Variants in EPHB1 observed in about 807,000 individuals in gnomAD.
EPHB1 encodes the protein ephrin type-B receptor 1.
A neutral mutation model predicts 94.4 loss-of-function variants in EPHB1; 30 were observed. That is an observed-to-expected ratio of 0.32 (90% confidence interval 0.24 to 0.43). EPHB1 has a LOEUF of 0.43. EPHB1 is among the 20% of genes least tolerant of loss of function. EPHB1 has a pLI of 1.00. For missense variants in EPHB1, 1,055 were observed against 1,308.3 expected (o/e 0.81, Z 2.99); for synonymous variants, 522 against 489.1 (o/e 1.07, Z -0.89).
intron 3 of EPHB1, among the ~76,000 whole-genome samples, chr3:135,041,502 G>C (rs187982577): frequency 6.6e-6 from 1 of 152,132 alleles, no homozygotes; most frequent in Non-Finnish European, 1.5e-5. Context: ...TGACAGCCCT[G>C]AGCAGGTTCA....
Position 134,992,852 on chromosome 3 carries a change from G to A in EPHB1, c.805+40800G>A, listed in dbSNP as rs200915069. On this transcript the variant is annotated intron_variant, in intron 3 of 15. Coordinates refer to ENST00000398015, the MANE Select transcript of EPHB1 (RefSeq NM_004441.5). The stretch of plus-strand genomic sequence containing the variant: ...CTTATTGCTGTATTTGCTTCCCTGG[G>A]TGCTTGAATTCCATCCCTTCTGACC... Among the ~76,000 whole-genome samples the A allele has an allele frequency of 7.9e-5, 12 of 152,232 alleles. No individual in the cohort carries two copies. In the East Asian group the frequency reaches 2.1e-3, roughly 27 times the overall value.
intron 15 of EPHB1, among the ~76,000 whole-genome samples, chr3:135,255,102 T>C (rs561473988): frequency 1.1e-4 from 17 of 150,670 alleles, no homozygotes; most frequent in Admixed American, 9.2e-4. Context: ...TTGATTCCTC[T>C]CTCTTTTTTT....
At chr3:135,176,215 C>G (rs1178264598) in intron 9 of EPHB1, among the ~76,000 whole-genome samples, 1 of 152,176 alleles carries the variant, frequency 6.6e-6, no homozygotes, top group African/African-American at 2.4e-5. Context: ...TGCCGCCCCA[C>G]ACAGAGGAGC....
At chr3:135,253,389 A>C (rs1933216654) in intron 15 of EPHB1, among the ~76,000 whole-genome samples, 1 of 147,942 alleles carries the variant, frequency 6.8e-6, no homozygotes, top group African/African-American at 2.5e-5. Flanking sequence ...TAATTTTTGT[A>C]TAAGGTGTAA....
At chr3:134,917,702 T>C (rs891773396) in intron 1 of EPHB1, among the ~76,000 whole-genome samples, 11 of 152,244 alleles carry the variant, frequency 7.2e-5, no homozygotes, top group African/African-American at 2.7e-4. Flanking sequence ...AATCAGTCAG[T>C]CATTCAGCAG....
intron 4 of EPHB1, among the ~76,000 whole-genome samples, chr3:135,119,514 G>T (rs976401851): frequency 6.6e-6 from 1 of 151,926 alleles, no homozygotes; most frequent in African/African-American, 2.4e-5. Context: ...GTGCAGTGGG[G>T]CAATCTAGGT....
intron 1 of EPHB1, among the ~76,000 whole-genome samples, chr3:134,917,292 G>T (rs950325189): frequency 3.9e-5 from 6 of 152,184 alleles, no homozygotes; most frequent in African/African-American, 1.4e-4. Flanking sequence ...GGGCAGGTAG[G>T]GTAGCCCTTC....
At chr3:135,247,851 T>C (rs1423806720) in intron 13 of EPHB1, among the ~76,000 whole-genome samples, 1 of 152,216 alleles carries the variant, frequency 6.6e-6, no homozygotes, top group Non-Finnish European at 1.5e-5. Flanking sequence ...CTTTCTCTTC[T>C]CTTCCAAATG....
At chr3:134,834,097 C>T (rs898596610) in intron 1 of EPHB1, among the ~76,000 whole-genome samples, 13 of 152,050 alleles carry the variant, frequency 8.5e-5, no homozygotes, top group African/African-American at 4.8e-5. Context: ...AACTAGAGAG[C>T]AGGGAGGAAG....
intron 12 of EPHB1, among the ~76,000 whole-genome samples, chr3:135,211,339 A>G (rs150257472): frequency 1.7e-3 from 261 of 152,326 alleles, no homozygotes; most frequent in African/African-American, 6.0e-3. Context: ...TAAAGAAATC[A>G]AGAGGAAAAT....
intron 11 of EPHB1, among the ~76,000 whole-genome samples, chr3:135,199,019 T>C (rs989919230): frequency 6.6e-6 from 1 of 151,996 alleles, no homozygotes; most frequent in African/African-American, 2.4e-5. Flanking sequence ...TTAAAACAAA[T>C]CAGATAATAA....
At chr3:135,117,794 C>G (rs185963781) in intron 4 of EPHB1, among the ~76,000 whole-genome samples, 33 of 152,358 alleles carry the variant, frequency 2.2e-4, no homozygotes, top group East Asian at 1.4e-3. Context: ...TGAGTCACCT[C>G]AGAGGTTTGC....
intron 12 of EPHB1, among the ~76,000 whole-genome samples, chr3:135,240,364 T>G (rs192580042): frequency 4.2e-4 from 64 of 152,176 alleles, no homozygotes; most frequent in African/African-American, 1.3e-3. Context: ...TAAACAAAAC[T>G]GGCTAAGGTC....
chr3:135,077,346 C>T (rs963951823), intron 3 of EPHB1, among the ~76,000 whole-genome samples: 1 of 152,218 alleles, frequency 6.6e-6, no homozygotes, highest in Non-Finnish European at 1.5e-5. Context: ...CTTTCTCACC[C>T]ACATATCTGG....
intron 5 of EPHB1, among the ~76,000 whole-genome samples, chr3:135,151,127 A>T (rs957614684): frequency 6.6e-6 from 1 of 152,176 alleles, no homozygotes; most frequent in Non-Finnish European, 1.5e-5. Context: ...CAGTGCTGTG[A>T]TTGGCTTCCT....
At chr3:135,237,212 A>G (rs1002028637) in intron 12 of EPHB1, among the ~76,000 whole-genome samples, 7 of 151,640 alleles carry the variant, frequency 4.6e-5, no homozygotes, top group Non-Finnish European at 1.0e-4. Flanking sequence ...TCAGCAGATG[A>G]CCTTGAGGAT....
chr3:135,106,797 A>G (rs976754107), intron 4 of EPHB1, among the ~76,000 whole-genome samples, 194 bp downstream of exon 4: 1 of 152,124 alleles, frequency 6.6e-6, no homozygotes, highest in Non-Finnish European at 1.5e-5. Flanking sequence ...CTGGGTGAAG[A>G]TTACATTTTT....
intron 3 of EPHB1, among the ~76,000 whole-genome samples, chr3:135,029,424 T>G (rs9681999): frequency 0.33 from 46,903 of 144,148 alleles, 8,523 homozygotes; most frequent in Non-Finnish European, 0.4. Flanking sequence ...GCCTGGTGGT[T>G]ACAAAATCTC....
intron 3 of EPHB1, among the ~76,000 whole-genome samples, chr3:135,059,909 C>A (rs142440989): frequency 6.6e-6 from 1 of 152,146 alleles, no homozygotes; most frequent in African/African-American, 2.4e-5. Flanking sequence ...GCCACTGATG[C>A]TCAGATACAG....
Sources: gnomAD v4.1 joint callset for allele counts (sites outside exome capture counted in the v4.1 genomes callset) on GRCh38, gnomAD v4.1.1 for gene constraint, MANE v1.5 for transcripts, NCBI Gene and HGNC (gene_info 2026-07-23, HGNC 2026-07-21) for gene names.